Variants in PADI1 observed in about 807,000 individuals in gnomAD.
The protein encoded by PADI1 is peptidyl arginine deiminase 1.
Under a neutral mutation model 74.8 loss-of-function variants are expected in PADI1, and 65 were observed. The ratio of observed to expected loss-of-function variants is 0.87; its 90% confidence interval spans 0.71 to 1.07. The LOEUF (loss-of-function observed/expected upper bound fraction) is 1.07. Ranked by LOEUF, PADI1 falls within the 50% of genes least tolerant of loss-of-function variation. The pLI is 0.00. For synonymous variants in PADI1, 371 were observed against 336.2 expected (o/e 1.10, Z -1.13); for missense variants, 943 against 854.0 (o/e 1.10, Z -1.30).
intron 8 of PADI1, among the ~76,000 whole-genome samples, chr1:17,229,501 C>T (rs1349606246): frequency 6.6e-6 from 1 of 152,238 alleles, no homozygotes; most frequent in East Asian, 1.9e-4. Context: ...TCTCAGAATC[C>T]TCATCATGCC....
chr1:17,226,418 C>T (rs889441886), intron 6 of PADI1, among the ~76,000 whole-genome samples: 1 of 152,178 alleles, frequency 6.6e-6, no homozygotes, highest in Non-Finnish European at 1.5e-5. Flanking sequence ...CATTCCAACC[C>T]AGGTGTCTTG....
chr1:17,242,032 C>G (rs2072788713), intron 15 of PADI1, among the ~76,000 whole-genome samples: 1 of 152,212 alleles, frequency 6.6e-6, no homozygotes, highest in Admixed American at 6.5e-5. Flanking sequence ...CCTGACTCCT[C>G]ATGGGGAGAT....
At chr1:17,210,448 T>C (rs1397003707) in intron 1 of PADI1, among the ~76,000 whole-genome samples, 1 of 152,008 alleles carries the variant, frequency 6.6e-6, no homozygotes, top group Non-Finnish European at 1.5e-5. Flanking sequence ...GACATTCTGG[T>C]CCCCAGCCCC....
intron 6 of PADI1, among the ~76,000 whole-genome samples, chr1:17,227,582 T>TAAA (rs1441523900): frequency 6.1e-5 from 9 of 147,718 alleles, no homozygotes; most frequent in Non-Finnish European, 7.5e-5. Context: ...AATAAATAAA[T>TAAA]TACCACTCCT....
intron 1 of PADI1, among the ~76,000 whole-genome samples, chr1:17,214,297 G>A (rs531597671): frequency 6.6e-6 from 1 of 152,220 alleles, no homozygotes; most frequent in South Asian, 2.1e-4. Context: ...TGGAAGAGGT[G>A]GCATTTGAAG....
Position 17,244,195 on chromosome 1 carries a change from C to T in PADI1, c.1944C>T (p.Asn648=), listed in dbSNP as rs199892095. The part of the protein sequence containing the change: ...ELQGEIHCGT[N]VRRKPFPFKW... Reference sequence around the variant, plus strand: ...AGGGGGAGATCCACTGTGGCACCAACGTGCGCAGGAAGCCCTTTCCCTTCA... The same window carrying T: ...AGGGGGAGATCCACTGTGGCACCAATGTGCGCAGGAAGCCCTTTCCCTTCA... The change falls in exon 16 of 16, where the codon AAC becomes AAT. Residue 648 remains asparagine (N), a synonymous_variant. Coordinates refer to ENST00000375471, the MANE Select transcript of PADI1 (RefSeq NM_013358.3). The T allele has an allele frequency of 1.9e-4, 313 of 1,614,198 alleles. 5 individuals carry two copies. The highest frequency in any genetic ancestry group is 1.5e-3 in the South Asian group (136 of 91,084).
chr1:17,244,191 CCAA>C lies in PADI1; in HGVS notation c.1942_1944del (p.Asn648del). ...CTGCAGGGGGAGATCCACTGTGGCA[CCAA>C]CGTGCGCAGGAAGCCCTTTCCCTTC... On this transcript the variant is annotated inframe_deletion, in exon 16 of 16. Transcript: ENST00000375471. 6.2e-7 allele frequency: 1 copy of C among 1,614,206 alleles called. No homozygotes were observed. Among genetic ancestry groups the C allele is most frequent in the Non-Finnish European group, 8.5e-7 (1 of 1,180,028 alleles).
intron 9 of PADI1, 86 bp from the exon 10 acceptor site, chr1:17,230,486 C>A: frequency 1.1e-6 from 1 of 939,040 alleles, no homozygotes; most frequent in Non-Finnish European, 1.6e-6. Flanking sequence ...CGCTGCCCTG[C>A]CCTGCCCCAG....
At chr1:17,227,522 C>T (rs191560496) in intron 6 of PADI1, among the ~76,000 whole-genome samples, 2 of 148,834 alleles carry the variant, frequency 1.3e-5, no homozygotes, top group African/African-American at 5.0e-5. Flanking sequence ...CAGAGTGAGA[C>T]CCTGTCTCAA....
intron 1 of PADI1, among the ~76,000 whole-genome samples, chr1:17,219,113 G>A (rs58949418): frequency 0.059 from 8,991 of 152,228 alleles, 598 homozygotes; most frequent in African/African-American, 0.17. Flanking sequence ...ATGGTCAGCC[G>A]CGTGGTGCAG....
intron 12 of PADI1, 91 bp downstream of exon 12, chr1:17,237,549 C>T (rs1018695733): frequency 3.2e-6 from 4 of 1,269,286 alleles, no homozygotes; most frequent in African/African-American, 3.0e-5. Flanking sequence ...ACCAGCTCAA[C>T]CCTGTGCCCC....
At chr1:17,226,218 C>T in intron 6 of PADI1, 60 bp downstream of exon 6, 11 of 1,563,734 alleles carry the variant, frequency 7.0e-6, no homozygotes, top group Admixed American at 1.8e-5. Context: ...CTCTCCTCCC[C>T]CATCTCTCTC....
At chr1:17,221,194 G>C (rs1036333975) in intron 1 of PADI1, among the ~76,000 whole-genome samples, 1 of 152,228 alleles carries the variant, frequency 6.6e-6, no homozygotes, top group Non-Finnish European at 1.5e-5. Flanking sequence ...CCCCTGCAGA[G>C]TGGCAGAAAG....
rs2072728771 is a variant in PADI1, at chr1:17,239,579, G to A, written c.1553-125G>A. 5.6e-6 allele frequency: 4 copies of A among 715,514 alleles called. No individual in the cohort carries two copies. In the Admixed American group the frequency reaches 6.4e-5, roughly 12 times the overall value. The allele number at this position is 715,514 out of a possible 1,614,324, so 44.3% of individuals were successfully genotyped here. A position where few individuals can be genotyped will look rare whatever the true frequency, so the allele number is the denominator to read the frequency against. On this transcript the variant is annotated intron_variant, in intron 13 of 15. Transcript: ENST00000375471. ...GGGTTCTCAGTCTCTGGCTTTCTCT[G>A]TCCTGGCTTCTGACCCTGGCACTGA... is the stretch of plus-strand genomic sequence containing the variant.
Position 17,238,481 on chromosome 1 carries a change from T to A in PADI1, c.1459-135T>A, listed in dbSNP as rs2072701232. 4 of 423,798 alleles carry A rather than the reference T, an allele frequency of 9.4e-6. No individual in the cohort carries two copies. In the South Asian group the frequency reaches 3.6e-4, roughly 38 times the overall value. 26.3% of individuals were successfully genotyped at this position (423,798 alleles called of 1,614,324 possible). A position where few individuals can be genotyped will look rare whatever the true frequency, so the allele number is the denominator to read the frequency against. ...GACTGGGAGAGTTGCAGACAGTGCT[T>A]TGTGGCTGGGGTGTAGACCGAGTGG... On this transcript the variant is annotated intron_variant, in intron 12 of 15. Coordinates refer to ENST00000375471, the MANE Select transcript of PADI1 (RefSeq NM_013358.3).
At chr1:17,239,584 G>A (rs2072728901) in intron 13 of PADI1, 120 bp from the exon 14 acceptor site, 6 of 735,870 alleles carry the variant, frequency 8.2e-6, no homozygotes, top group South Asian at 8.0e-5. Flanking sequence ...TCTCTGTCCT[G>A]GCTTCTGACC....
intron 4 of PADI1, among the ~76,000 whole-genome samples, chr1:17,225,056 T>G (rs1463460416): frequency 2.6e-5 from 4 of 151,042 alleles, no homozygotes; most frequent in African/African-American, 9.7e-5. Flanking sequence ...TGGTGGCAAC[T>G]ATGATACAAA....
intron 1 of PADI1, among the ~76,000 whole-genome samples, chr1:17,219,531 T>C (rs1465850810): frequency 6.6e-6 from 1 of 151,888 alleles, no homozygotes; most frequent in Non-Finnish European, 1.5e-5. Context: ...GACAGGAGCA[T>C]TGGATGAGAG....
intron 8 of PADI1, 81 bp from the exon 9 acceptor site, chr1:17,230,004 C>A: frequency 7.2e-7 from 1 of 1,384,072 alleles, no homozygotes; most frequent in South Asian, 1.3e-5. Context: ...CTGCACAGGG[C>A]CCAGCACAAA....
Sources: allele counts gnomAD v4.1 joint callset (sites outside exome capture counted in the v4.1 genomes callset), GRCh38; gene constraint gnomAD v4.1.1; transcripts MANE v1.5; gene names NCBI Gene and HGNC (gene_info 2026-07-23, HGNC 2026-07-21).